ERBB4: variants seen among roughly 807,000 people sequenced by gnomAD.
ERBB4 encodes receptor tyrosine-protein kinase erbB-4.
ERBB4 carries 42 observed loss-of-function variants against 158.0 expected under a neutral mutation model. The observed-to-expected ratio is 0.27, with a 90% CI of 0.21 to 0.34. The LOEUF (loss-of-function observed/expected upper bound fraction) is 0.34. Ranked by LOEUF, ERBB4 falls within the 10% of genes least tolerant of loss-of-function variation. The pLI, the probability that ERBB4 is intolerant of heterozygous loss-of-function variation, is 1.00. For missense variants in ERBB4, 1,333 were observed against 1,624.1 expected (o/e 0.82, Z 3.08); for synonymous variants, 583 against 558.7 (o/e 1.04, Z -0.61).
At chr2:212,045,301 A>G (rs1175822736) in intron 2 of ERBB4, among the ~76,000 whole-genome samples, 1 of 152,108 alleles carries the variant, frequency 6.6e-6, no homozygotes, top group African/African-American at 2.4e-5. Context: ...TCTACTAAAA[A>G]TACAAAAATT....
At chr2:211,581,941 C>T (rs1320129363) in intron 19 of ERBB4, among the ~76,000 whole-genome samples, 6 of 151,838 alleles carry the variant, frequency 4.0e-5, no homozygotes, top group Non-Finnish European at 5.9e-5. Flanking sequence ...ACCCAGGAGG[C>T]GGAGGTTGCA....
intron 20 of ERBB4, among the ~76,000 whole-genome samples, chr2:211,485,856 T>TA (rs34675508): frequency 8.5e-5 from 12 of 140,482 alleles, no homozygotes; most frequent in Admixed American, 7.1e-5. Context: ...TAAAGTATAA[T>TA]AAAAAAAGAA....
chr2:211,813,621 AG>A (rs2076810842), intron 3 of ERBB4, among the ~76,000 whole-genome samples: 1 of 151,932 alleles, frequency 6.6e-6, no homozygotes, highest in Admixed American at 6.6e-5. Flanking sequence ...TTTTTCTGGG[AG>A]TTTTTTTCCC....
intron 1 of ERBB4, among the ~76,000 whole-genome samples, chr2:212,268,765 G>T (rs546248537): frequency 1.6e-4 from 25 of 151,944 alleles, no homozygotes; most frequent in African/African-American, 5.5e-4. Flanking sequence ...AGCCAGATTT[G>T]ATCCTTGGGT....
At chr2:212,013,062 T>C (rs1360198719) in intron 2 of ERBB4, among the ~76,000 whole-genome samples, 1 of 151,016 alleles carries the variant, frequency 6.6e-6, no homozygotes, top group African/African-American at 2.4e-5. Flanking sequence ...ACTTTCCTTT[T>C]TTTTTTTTTT....
At chr2:211,438,543 C>T (rs113622109) in intron 20 of ERBB4, among the ~76,000 whole-genome samples, 2,958 of 152,158 alleles carry the variant, frequency 0.019, 96 homozygotes, top group African/African-American at 0.066. Context: ...GCTTAAAATT[C>T]AGAAAACACG....
chr2:211,967,135 A>T (rs2081330552), intron 2 of ERBB4, among the ~76,000 whole-genome samples: 3 of 152,124 alleles, frequency 2.0e-5, no homozygotes, highest in Admixed American at 6.5e-5. Context: ...CACAGAAACA[A>T]TTGCTCAAAA....
At chr2:211,555,645 C>G (rs2067217985) in intron 20 of ERBB4, among the ~76,000 whole-genome samples, 1 of 152,152 alleles carries the variant, frequency 6.6e-6, no homozygotes, top group Non-Finnish European at 1.5e-5. Context: ...CCCTAAAAGC[C>G]AGAAGAGATT....
At chr2:211,754,511 C>A (rs1220420232) in intron 4 of ERBB4, among the ~76,000 whole-genome samples, 1 of 151,002 alleles carries the variant, frequency 6.6e-6, no homozygotes, top group East Asian at 2.0e-4. Flanking sequence ...AAGCAATTCT[C>A]TGCCTCAGCC....
chr2:212,134,625 T>C (rs1404026538), intron 1 of ERBB4, among the ~76,000 whole-genome samples: 1 of 151,876 alleles, frequency 6.6e-6, no homozygotes, highest in Non-Finnish European at 1.5e-5. Context: ...CACTGTTTTA[T>C]TGATTCCCAA....
intron 20 of ERBB4, among the ~76,000 whole-genome samples, chr2:211,474,864 A>G (rs144541961): frequency 1.8e-4 from 28 of 152,140 alleles, no homozygotes; most frequent in Admixed American, 5.9e-4. Flanking sequence ...GTTGATGTGA[A>G]GGAGCCAGAG....
chr2:211,434,778 T>C (rs528973952), intron 20 of ERBB4, among the ~76,000 whole-genome samples: 118 of 152,324 alleles, frequency 7.7e-4, no homozygotes, highest in African/African-American at 2.8e-3. Context: ...ACAGTTTCCC[T>C]CACCCACCTG....
At chr2:211,860,848 C>T (rs1457028976) in intron 3 of ERBB4, among the ~76,000 whole-genome samples, 5 of 144,092 alleles carry the variant, frequency 3.5e-5, no homozygotes, top group Middle Eastern at 4.0e-3. Context: ...AATAATTTGG[C>T]ATGAAAATAA....
intron 1 of ERBB4, among the ~76,000 whole-genome samples, chr2:212,235,401 A>G (rs1314990209): frequency 6.6e-6 from 1 of 152,192 alleles, no homozygotes; most frequent in Non-Finnish European, 1.5e-5. Context: ...GCTTGAAGTC[A>G]GGTAGCATGA....
At chr2:211,448,882 A>AT (rs35445450) in intron 20 of ERBB4, among the ~76,000 whole-genome samples, 1 of 152,126 alleles carries the variant, frequency 6.6e-6, no homozygotes, top group Non-Finnish European at 1.5e-5. Flanking sequence ...TTAAATGCAC[A>AT]TTTTTTGTTC....
chr2:212,493,704 T>G (rs1337385106), intron 1 of ERBB4, among the ~76,000 whole-genome samples: 1 of 151,784 alleles, frequency 6.6e-6, no homozygotes, highest in Non-Finnish European at 1.5e-5. Flanking sequence ...ACAGTAGCAA[T>G]TTATGTGCTA....
chr2:211,717,684 C>G (rs2073963599), intron 7 of ERBB4, among the ~76,000 whole-genome samples: 1 of 79,220 alleles, frequency 1.3e-5, no homozygotes, highest in African/African-American at 3.9e-5. Context: ...CAAAAATTAG[C>G]TGGGCGTGGT....
intron 12 of ERBB4, 105 bp downstream of exon 12, chr2:211,701,862 C>G (rs1441990940): frequency 4.0e-6 from 3 of 756,918 alleles, no homozygotes; most frequent in Middle Eastern, 3.0e-4. Flanking sequence ...GTTGGGATAA[C>G]AGAGCAACAA....
chr2:211,829,962 T>C (rs957661981), intron 3 of ERBB4, among the ~76,000 whole-genome samples: 5 of 152,204 alleles, frequency 3.3e-5, no homozygotes, highest in South Asian at 2.1e-4. Context: ...ATCACATTAC[T>C]TGGAGTGAAT....
Sources: allele counts gnomAD v4.1 joint callset (sites outside exome capture counted in the v4.1 genomes callset), GRCh38; gene constraint gnomAD v4.1.1; transcripts MANE v1.5; gene names NCBI Gene and HGNC (gene_info 2026-07-23, HGNC 2026-07-21).